CNTN5: variants seen among roughly 807,000 people sequenced by gnomAD.
CNTN5 encodes contactin-5.
A neutral mutation model predicts 129.1 loss-of-function variants in CNTN5; 77 were observed. The observed-to-expected ratio is 0.60, with a 90% CI of 0.50 to 0.72. CNTN5 has a LOEUF of 0.72. Among genes scored for constraint, CNTN5 ranks in the 30% least tolerant of loss-of-function variants. The probability of loss-of-function intolerance (pLI) is 0.00; values close to 1 mark genes in which losing one functional copy is unlikely to be tolerated. For missense variants in CNTN5, 1,478 were observed against 1,328.8 expected, an observed-to-expected ratio of 1.11 and a Z score of -1.75; for synonymous variants, 509 against 465.6, an observed-to-expected ratio of 1.09 and a Z score of -1.20.
At chr11:99,704,025 C>T (rs1016857223) in intron 3 of CNTN5, among the ~76,000 whole-genome samples, 8 of 150,276 alleles carry the variant, frequency 5.3e-5, no homozygotes, top group Admixed American at 1.3e-4. Flanking sequence ...TAAATGAAGG[C>T]AATAAATAAT....
At chr11:100,245,188 C>T (rs768630740) in intron 16 of CNTN5, among the ~76,000 whole-genome samples, 5 of 152,046 alleles carry the variant, frequency 3.3e-5, no homozygotes, top group African/African-American at 7.2e-5. Flanking sequence ...CCATCATCTA[C>T]AATTTTGGCC....
At chr11:100,336,208 G>T (rs530427990) in intron 21 of CNTN5, among the ~76,000 whole-genome samples, 2 of 152,230 alleles carry the variant, frequency 1.3e-5, no homozygotes, top group African/African-American at 2.4e-5. Flanking sequence ...TCTTTCTGGG[G>T]TCTATTCTGG....
At chr11:99,220,998 A>C (rs1860372965) in intron 1 of CNTN5, among the ~76,000 whole-genome samples, 1 of 151,978 alleles carries the variant, frequency 6.6e-6, no homozygotes, top group African/African-American at 2.4e-5. Context: ...AGATACTGTA[A>C]AAGATTCAGC....
intron 13 of CNTN5, among the ~76,000 whole-genome samples, chr11:100,163,545 ATACAGTATACAACTTCC>A (rs1392869559): frequency 6.6e-6 from 1 of 151,884 alleles, no homozygotes; most frequent in Non-Finnish European, 1.5e-5. Flanking sequence ...AAGTCAATAA[ATACAGTATACAACTTCC>A]TACATTATTG....
At chr11:99,487,620 A>T (rs1945868196) in intron 2 of CNTN5, among the ~76,000 whole-genome samples, 1 of 152,208 alleles carries the variant, frequency 6.6e-6, no homozygotes, top group South Asian at 2.1e-4. Flanking sequence ...GTTTCATTTC[A>T]GTGTGCCTAA....
At chr11:99,413,195 G>T (rs916560170) in intron 2 of CNTN5, among the ~76,000 whole-genome samples, 1 of 152,158 alleles carries the variant, frequency 6.6e-6, no homozygotes, top group Non-Finnish European at 1.5e-5. Context: ...AACGGGGAAG[G>T]TATAATGTTA....
At chr11:99,327,059 A>T (rs568681734) in intron 2 of CNTN5, among the ~76,000 whole-genome samples, 1 of 152,108 alleles carries the variant, frequency 6.6e-6, no homozygotes, top group African/African-American at 2.4e-5. Flanking sequence ...ATCAAACTCT[A>T]TATTTTTTTT....
intron 2 of CNTN5, among the ~76,000 whole-genome samples, chr11:99,519,256 T>C (rs11220276): frequency 0.013 from 2,034 of 152,208 alleles, 44 homozygotes; most frequent in African/African-American, 0.044. Flanking sequence ...TCAAGCTAAC[T>C]TCTTTATAGA....
intron 3 of CNTN5, among the ~76,000 whole-genome samples, chr11:99,757,425 A>G (rs959980128): frequency 1.3e-5 from 2 of 151,854 alleles, no homozygotes; most frequent in Non-Finnish European, 2.9e-5. Context: ...AAGGACCCAT[A>G]CTATAAGTGC....
chr11:99,678,529 G>C (rs2134696840), intron 3 of CNTN5, among the ~76,000 whole-genome samples: 1 of 152,174 alleles, frequency 6.6e-6, no homozygotes, highest in East Asian at 1.9e-4. Flanking sequence ...ATACGAGAAA[G>C]AAAATGCCAT....
At chr11:99,556,355 C>T (rs1948664327) in intron 3 of CNTN5, 86 bp downstream of exon 3, 1 of 813,316 alleles carries the variant, frequency 1.2e-6, no homozygotes, top group Non-Finnish European at 1.9e-6. Flanking sequence ...AAAATATCCT[C>T]AGGTATTAAT....
At chr11:99,609,366 C>G (rs1166292518) in intron 3 of CNTN5, among the ~76,000 whole-genome samples, 2 of 152,136 alleles carry the variant, frequency 1.3e-5, no homozygotes, top group South Asian at 2.1e-4. Flanking sequence ...GAGCATCTGA[C>G]TAAGGAAGGG....
At chr11:99,974,176 A>G (rs543767676) in intron 8 of CNTN5, among the ~76,000 whole-genome samples, 2 of 152,332 alleles carry the variant, frequency 1.3e-5, no homozygotes, top group African/African-American at 4.8e-5. Flanking sequence ...CATCACAGCA[A>G]AACAGCATTT....
At chr11:99,658,161 A>G (rs1952451042) in intron 3 of CNTN5, among the ~76,000 whole-genome samples, 1 of 152,166 alleles carries the variant, frequency 6.6e-6, no homozygotes, top group Non-Finnish European at 1.5e-5. Flanking sequence ...AAACAAAAAA[A>G]AATTACTCAG....
At chr11:99,381,073 G>A (rs1176440276) in intron 2 of CNTN5, among the ~76,000 whole-genome samples, 3 of 152,104 alleles carry the variant, frequency 2.0e-5, no homozygotes, top group African/African-American at 7.2e-5. Flanking sequence ...GATGATATCA[G>A]TATGGTGCCC....
intron 11 of CNTN5, among the ~76,000 whole-genome samples, chr11:100,071,426 C>T (rs1363216852): frequency 6.6e-6 from 1 of 151,896 alleles, no homozygotes; most frequent in African/African-American, 2.4e-5. Flanking sequence ...AACTAGTGTA[C>T]CAAAAAAGAC....
At chr11:99,477,989 A>AT (rs200046024) in intron 2 of CNTN5, among the ~76,000 whole-genome samples, 2,125 of 150,634 alleles carry the variant, frequency 0.014, 38 homozygotes, top group African/African-American at 0.04. Flanking sequence ...GTTGGAGATG[A>AT]TTTTTTTCTT....
intron 6 of CNTN5, among the ~76,000 whole-genome samples, chr11:99,889,294 GT>G (rs1948984057): frequency 2.1e-4 from 1 of 4,826 alleles, no homozygotes; most frequent in Non-Finnish European, 3.5e-4. Context: ...CAGAGCAGGT[GT>G]GTGTGTGTGT....
chr11:99,598,322 TTCTGTCCCTC>T (rs1464240228), intron 3 of CNTN5, among the ~76,000 whole-genome samples: 1 of 47,994 alleles, frequency 2.1e-5, no homozygotes, highest in African/African-American at 6.8e-5. Flanking sequence ...TTCTTTTCTT[TTCTGTCCCTC>T]TCTCTCTCTC....
Sources: allele counts gnomAD v4.1 joint callset (sites outside exome capture counted in the v4.1 genomes callset), GRCh38; gene constraint gnomAD v4.1.1; transcripts MANE v1.5; gene names NCBI Gene and HGNC (gene_info 2026-07-23, HGNC 2026-07-21).